The following RARB variants were observed in gnomAD, a reference collection of about 807,000 sequenced individuals.
RARB encodes the protein retinoic acid receptor beta, also known as HBV-activated protein.
RARB carries 17 observed loss-of-function variants against 51.9 expected under a neutral mutation model. That is an observed-to-expected ratio of 0.33 (90% CI 0.22 to 0.49). RARB has a LOEUF of 0.49. Ranked by LOEUF, RARB falls within the 20% of genes least tolerant of loss-of-function variation. The pLI, the probability that RARB is intolerant of heterozygous loss-of-function variation, is 0.99. For synonymous variants in RARB, 215 were observed against 195.4 expected, an observed-to-expected ratio of 1.10 and a Z score of -0.84; for missense variants, 369 against 550.8, an observed-to-expected ratio of 0.67 and a Z score of 3.30.
chr3:25,019,428 T>C (rs767590389), intron 2 of RARB, among the ~76,000 whole-genome samples: 33 of 152,074 alleles, frequency 2.2e-4, no homozygotes, highest in Non-Finnish European at 4.3e-4. Context: ...CCGGTTGGGA[T>C]TGGCATAAGA....
chr3:24,846,071 G>C (rs1702483303), intron 1 of RARB, among the ~76,000 whole-genome samples: 1 of 152,200 alleles, frequency 6.6e-6, no homozygotes, highest in Admixed American at 6.5e-5. Flanking sequence ...ACTCCTGTAT[G>C]CAACACTCTG....
intron 5 of RARB, among the ~76,000 whole-genome samples, chr3:25,371,097 T>A (rs1447852514): frequency 6.6e-6 from 1 of 152,188 alleles, no homozygotes; most frequent in Non-Finnish European, 1.5e-5. Context: ...CTTAATTACA[T>A]CTGCAAGGAC....
At chr3:24,951,863 C>A (rs937102983) in intron 2 of RARB, among the ~76,000 whole-genome samples, 1 of 152,164 alleles carries the variant, frequency 6.6e-6, no homozygotes, top group African/African-American at 2.4e-5. Flanking sequence ...AGGGATTTGA[C>A]TCACCTTTGT....
At chr3:25,095,413 G>T (rs1699276198) in intron 3 of RARB, among the ~76,000 whole-genome samples, 1 of 152,162 alleles carries the variant, frequency 6.6e-6, no homozygotes, top group South Asian at 2.1e-4. Context: ...CACTAGACCT[G>T]TGAAACAGAT....
intron 3 of RARB, among the ~76,000 whole-genome samples, chr3:25,095,428 T>C (rs1699276517): frequency 6.6e-6 from 1 of 152,174 alleles, no homozygotes; most frequent in East Asian, 1.9e-4. Context: ...ACAGATACTC[T>C]GGAGGGTGAA....
chr3:24,885,396 A>G (rs1182860413), intron 2 of RARB, among the ~76,000 whole-genome samples: 1 of 152,196 alleles, frequency 6.6e-6, no homozygotes, highest in Non-Finnish European at 1.5e-5. Context: ...GAGCATCAGA[A>G]TTATGATTGA....
At chr3:25,119,762 C>A (rs1699749756) in intron 3 of RARB, among the ~76,000 whole-genome samples, 1 of 151,928 alleles carries the variant, frequency 6.6e-6, no homozygotes, top group Admixed American at 6.6e-5. Flanking sequence ...TAGCAAATGG[C>A]TACAATAAAC....
intron 2 of RARB, among the ~76,000 whole-genome samples, chr3:24,946,607 A>G (rs1695780969): frequency 6.6e-6 from 1 of 152,028 alleles, no homozygotes; most frequent in African/African-American, 2.4e-5. Flanking sequence ...GGTGGCTCAC[A>G]TAGGTAATCC....
At chr3:25,563,001 T>C (rs541162768) in intron 3 of RARB, among the ~76,000 whole-genome samples, 1 of 152,220 alleles carries the variant, frequency 6.6e-6, no homozygotes, top group African/African-American at 2.4e-5. Flanking sequence ...TTGAATAATT[T>C]TAAGAAGCTG....
At chr3:25,031,273 A>G (rs1194224319) in intron 2 of RARB, among the ~76,000 whole-genome samples, 1 of 152,168 alleles carries the variant, frequency 6.6e-6, no homozygotes, top group Non-Finnish European at 1.5e-5. Context: ...GAACCACTGG[A>G]CTAGCTCAGT....
chr3:25,201,213 G>A (rs746910533), intron 5 of RARB, among the ~76,000 whole-genome samples: 15 of 152,052 alleles, frequency 9.9e-5, no homozygotes, highest in Admixed American at 3.3e-4. Flanking sequence ...GAGTTCACTC[G>A]TGATTTGGCT....
At chr3:24,898,864 G>A (rs1703536119) in intron 2 of RARB, among the ~76,000 whole-genome samples, 1 of 152,158 alleles carries the variant, frequency 6.6e-6, no homozygotes, top group South Asian at 2.1e-4. Context: ...GGTAGGAAGG[G>A]TGGAGAATCC....
chr3:25,436,086 T>G (rs546758029), intron 1 of RARB, among the ~76,000 whole-genome samples: 1 of 152,364 alleles, frequency 6.6e-6, no homozygotes, highest in African/African-American at 2.4e-5. Flanking sequence ...CTTTTTGGAT[T>G]AAGATCGTCA....
intron 2 of RARB, among the ~76,000 whole-genome samples, chr3:25,042,920 C>T (rs1329474954): frequency 6.6e-6 from 1 of 152,208 alleles, no homozygotes; most frequent in Non-Finnish European, 1.5e-5. Flanking sequence ...TTTCTCAGCT[C>T]TGATGTCAGG....
intron 5 of RARB, among the ~76,000 whole-genome samples, chr3:25,254,509 A>G (rs998858928): frequency 3.9e-5 from 6 of 152,188 alleles, no homozygotes; most frequent in African/African-American, 7.2e-5. Flanking sequence ...ACTCACACTG[A>G]AACAATATCA....
intron 2 of RARB, among the ~76,000 whole-genome samples, chr3:24,886,705 G>A (rs1703274031): frequency 1.3e-5 from 2 of 151,944 alleles, no homozygotes; most frequent in African/African-American, 4.8e-5. Flanking sequence ...CAAAGTGCTG[G>A]GATTACAAGC....
chr3:25,516,685 G>A (rs1203823402), intron 3 of RARB, among the ~76,000 whole-genome samples: 1 of 146,926 alleles, frequency 6.8e-6, no homozygotes, highest in African/African-American at 2.6e-5. Context: ...GGAGTGCAGT[G>A]ATGCAATCTT....
At chr3:25,031,014 C>T (rs1232693123) in intron 2 of RARB, among the ~76,000 whole-genome samples, 3 of 152,144 alleles carry the variant, frequency 2.0e-5, no homozygotes, top group African/African-American at 7.2e-5. Context: ...CTTTCATGGG[C>T]CACAGTAGGG....
chr3:25,479,820 T>A (rs1382978266), intron 2 of RARB, among the ~76,000 whole-genome samples: 2 of 152,186 alleles, frequency 1.3e-5, no homozygotes, highest in Admixed American at 6.5e-5. Flanking sequence ...TGTTTTTGAA[T>A]AACAGCCACA....
Sources: gnomAD v4.1 joint callset for allele counts (sites outside exome capture counted in the v4.1 genomes callset) on GRCh38, gnomAD v4.1.1 for gene constraint, MANE v1.5 for transcripts, NCBI Gene and HGNC (gene_info 2026-07-23, HGNC 2026-07-21) for gene names.